Variants in FMN1 observed in about 807,000 individuals in gnomAD.
The protein encoded by FMN1 is formin 1.
In FMN1, 110 loss-of-function variants were observed where a neutral mutation model predicts 132.4. The ratio of observed to expected loss-of-function variants is 0.83; its 90% CI spans 0.71 to 0.97. The LOEUF (loss-of-function observed/expected upper bound fraction) is 0.97. Ranked by LOEUF, FMN1 falls within the 50% of genes least tolerant of loss-of-function variation. The pLI is 0.00. For missense variants in FMN1, 1,792 were observed against 1,705.3 expected, an observed-to-expected ratio of 1.05 and a Z score of -0.90; for synonymous variants, 722 against 651.7, an observed-to-expected ratio of 1.11 and a Z score of -1.64.
At chr15:32,949,175 A>C (rs2061570894) in intron 9 of FMN1, among the ~76,000 whole-genome samples, 1 of 152,116 alleles carries the variant, frequency 6.6e-6, no homozygotes, top group Non-Finnish European at 1.5e-5. Flanking sequence ...ATTTTTAAAA[A>C]TAAGGAAGTT....
chr15:33,188,674 A>AT (rs574178053), intron 2 of FMN1, among the ~76,000 whole-genome samples: 194 of 152,244 alleles, frequency 1.3e-3, no homozygotes, highest in African/African-American at 4.6e-3. Flanking sequence ...CTATTGATAC[A>AT]TTTTAACAAA....
chr15:32,979,529 C>A (rs1169500663), intron 7 of FMN1, among the ~76,000 whole-genome samples: 1 of 138,562 alleles, frequency 7.2e-6, no homozygotes, highest in Non-Finnish European at 1.5e-5. Context: ...GCACTGCAGC[C>A]TGCGCAACAG....
chr15:32,964,055 A>G (rs1315170795), intron 9 of FMN1, 52 bp downstream of exon 9: 8 of 1,415,926 alleles, frequency 5.7e-6, no homozygotes, highest in Non-Finnish European at 7.9e-6. Flanking sequence ...ACACATATAT[A>G]CCATTTCCCT....
intron 16 of FMN1, among the ~76,000 whole-genome samples, chr15:32,863,297 C>T (rs1321409247): frequency 2.0e-5 from 3 of 152,110 alleles, no homozygotes; most frequent in East Asian, 1.9e-4. Context: ...ATTAGCTGGG[C>T]GTGGTGGCGG....
At chr15:33,076,391 T>G (rs1292505572) in intron 5 of FMN1, among the ~76,000 whole-genome samples, 2 of 152,256 alleles carry the variant, frequency 1.3e-5, no homozygotes, top group African/African-American at 4.8e-5. Flanking sequence ...GCTACTGCTA[T>G]AACTTTTTCT....
At chr15:32,959,998 T>C (rs906201223) in intron 9 of FMN1, among the ~76,000 whole-genome samples, 4 of 152,192 alleles carry the variant, frequency 2.6e-5, no homozygotes. Flanking sequence ...CTTTGGAATA[T>C]ACAGATTTTC....
chr15:33,157,565 C>T (rs1194115345), intron 3 of FMN1, among the ~76,000 whole-genome samples: 1 of 152,210 alleles, frequency 6.6e-6, no homozygotes, highest in Non-Finnish European at 1.5e-5. Context: ...TCTTCACCTA[C>T]TGCCTTCTAC....
rs181873699 is a variant in FMN1 at position 33,184,828 on chromosome 15, T to C, written c.-196-4566A>G. ...TATAATTTAGACCTTTTTTTACTTA[T>C]GTTGCAAATCGTATCCTTAAAATTA... On this transcript the variant is annotated intron_variant, in intron 2 of 20. Coordinates refer to ENST00000616417, the MANE Select transcript of FMN1 (RefSeq NM_001277313.2). 4.8e-3 allele frequency among the ~76,000 whole-genome samples: 736 copies of C among 152,326 alleles called. 7 individuals carry two copies. Among genetic ancestry groups the C allele is most frequent in the African/African-American group, 0.017 (691 of 41,570 alleles).
At chr15:33,186,947 T>C (rs1301630349) in intron 2 of FMN1, among the ~76,000 whole-genome samples, 1 of 152,184 alleles carries the variant, frequency 6.6e-6, no homozygotes, top group Non-Finnish European at 1.5e-5. Context: ...ACTCCAGTTT[T>C]GGGAAGACAT....
At chr15:33,013,704 CTTAG>C (rs1424833271) in intron 6 of FMN1, among the ~76,000 whole-genome samples, 11 of 152,142 alleles carry the variant, frequency 7.2e-5, no homozygotes, top group Admixed American at 3.9e-4. Context: ...CAGAAAGTGA[CTTAG>C]TAAGTTTAAA....
At chr15:32,935,002 A>G (rs1195067658) in intron 9 of FMN1, among the ~76,000 whole-genome samples, 1 of 151,430 alleles carries the variant, frequency 6.6e-6, no homozygotes, top group Non-Finnish European at 1.5e-5. Context: ...ACTCACTGCA[A>G]CCTCTGCCTC....
chr15:33,188,318 C>A (rs1016797648), intron 2 of FMN1, among the ~76,000 whole-genome samples: 1 of 152,060 alleles, frequency 6.6e-6, no homozygotes, highest in Non-Finnish European at 1.5e-5. Flanking sequence ...CCAGCCTGGG[C>A]GACAGAGGGA....
chr15:32,971,970 T>C (rs2031829557), intron 7 of FMN1, among the ~76,000 whole-genome samples: 1 of 150,628 alleles, frequency 6.6e-6, no homozygotes, highest in African/African-American at 2.5e-5. Flanking sequence ...AGGTAAGGCA[T>C]TTGTTTAGTG....
At chr15:33,042,075 A>G (rs1303647294) in intron 6 of FMN1, among the ~76,000 whole-genome samples, 1 of 152,170 alleles carries the variant, frequency 6.6e-6, no homozygotes, top group Non-Finnish European at 1.5e-5. Context: ...GCTAGAACTA[A>G]TAAGAGCATA....
intron 6 of FMN1, among the ~76,000 whole-genome samples, chr15:33,023,337 C>T (rs184703669): frequency 2.4e-4 from 37 of 151,974 alleles, no homozygotes; most frequent in Non-Finnish European, 4.4e-4. Flanking sequence ...ACCTAAGCAT[C>T]GAGATAGATA....
At chr15:33,078,655 A>C (rs2038321377) in intron 5 of FMN1, among the ~76,000 whole-genome samples, 1 of 152,160 alleles carries the variant, frequency 6.6e-6, no homozygotes, top group South Asian at 2.1e-4. Context: ...AAAAAAAAAA[A>C]AACAACTGGG....
intron 6 of FMN1, among the ~76,000 whole-genome samples, chr15:33,028,457 C>G (rs2035782274): frequency 6.6e-6 from 1 of 151,812 alleles, no homozygotes; most frequent in Non-Finnish European, 1.5e-5. Flanking sequence ...CCCTGAAATT[C>G]TAGCAACTGG....
chr15:32,776,362 G>C (rs1214298035), intron 20 of FMN1, among the ~76,000 whole-genome samples: 4 of 152,174 alleles, frequency 2.6e-5, no homozygotes, highest in Non-Finnish European at 5.9e-5. Context: ...GAGATGTCAG[G>C]AGACCCAGAA....
At chr15:32,904,445 T>G (rs1445186109) in intron 12 of FMN1, among the ~76,000 whole-genome samples, 1 of 152,026 alleles carries the variant, frequency 6.6e-6, no homozygotes, top group Non-Finnish European at 1.5e-5. Context: ...TTGTAGAAAA[T>G]CTCCATGGCA....
Sources: allele counts gnomAD v4.1 joint callset (sites outside exome capture counted in the v4.1 genomes callset), GRCh38; gene constraint gnomAD v4.1.1; transcripts MANE v1.5; gene names NCBI Gene and HGNC (gene_info 2026-07-23, HGNC 2026-07-21).